BBX: variants seen among roughly 807,000 people sequenced by gnomAD.
The protein encoded by BBX is BBX high mobility group box domain containing.
BBX carries 30 observed loss-of-function variants against 100.2 expected under a neutral mutation model. The observed-to-expected ratio is 0.30, with a 90% CI of 0.22 to 0.41. The LOEUF is 0.41. BBX is among the 10% of genes least tolerant of loss of function. The pLI is 1.00. For synonymous variants in BBX, 376 were observed against 388.1 expected, an observed-to-expected ratio of 0.97 and a Z score of 0.37; for missense variants, 1,023 against 1,129.8, an observed-to-expected ratio of 0.91 and a Z score of 1.35.
intron 2 of BBX, among the ~76,000 whole-genome samples, chr3:107,634,429 A>C (rs2056735251): frequency 6.6e-6 from 1 of 152,208 alleles, no homozygotes; most frequent in Admixed American, 6.5e-5. Flanking sequence ...AGAGGACTGG[A>C]GTATGGAGAC....
intron 2 of BBX, among the ~76,000 whole-genome samples, chr3:107,554,475 C>G (rs980931447): frequency 3.9e-5 from 6 of 152,094 alleles, no homozygotes; most frequent in African/African-American, 1.4e-4. Flanking sequence ...TTATATGTAT[C>G]TAGCTCACAA....
chr3:107,650,311 G>A (rs2057765767), intron 3 of BBX, among the ~76,000 whole-genome samples: 2 of 152,012 alleles, frequency 1.3e-5, no homozygotes, highest in South Asian at 4.2e-4. Flanking sequence ...CATATATGAG[G>A]GATCTAGGTT....
At chr3:107,708,673 CAA>C (rs34223415) in intron 3 of BBX, among the ~76,000 whole-genome samples, 7 of 107,266 alleles carry the variant, frequency 6.5e-5, no homozygotes, top group Admixed American at 9.3e-5. Flanking sequence ...GACTCCGTCT[CAA>C]AAAAAAAAAA....
chr3:107,627,238 A>G (rs1405459137), intron 2 of BBX, among the ~76,000 whole-genome samples: 1 of 152,226 alleles, frequency 6.6e-6, no homozygotes, highest in Non-Finnish European at 1.5e-5. Context: ...AGAACCTAGT[A>G]GGTGCTCATT....
chr3:107,652,986 T>G (rs1553756920), intron 3 of BBX, among the ~76,000 whole-genome samples: 1 of 152,220 alleles, frequency 6.6e-6, no homozygotes, highest in Non-Finnish European at 1.5e-5. Flanking sequence ...TAGCATCTGG[T>G]ACATAGAAGT....
intron 15 of BBX, among the ~76,000 whole-genome samples, chr3:107,798,114 G>A (rs2069944433): frequency 6.6e-6 from 1 of 152,108 alleles, no homozygotes; most frequent in Non-Finnish European, 1.5e-5. Context: ...TTTAATTTTA[G>A]TGTCCTCTGA....
At chr3:107,765,866 T>C (rs929279629) in intron 10 of BBX, among the ~76,000 whole-genome samples, 2 of 152,246 alleles carry the variant, frequency 1.3e-5, no homozygotes, top group African/African-American at 4.8e-5. Context: ...TCCCAGGTTT[T>C]GTTTGTATCT....
At chr3:107,693,378 A>G (rs1432340670) in intron 3 of BBX, among the ~76,000 whole-genome samples, 1 of 151,674 alleles carries the variant, frequency 6.6e-6, no homozygotes, top group African/African-American at 2.4e-5. Flanking sequence ...CTTTTGTATA[A>G]GGTGTAAGGA....
Position 107,789,851 on chromosome 3 carries a change from G to A in BBX, c.2268G>A (p.Lys756=). Residue 756 remains lysine, a synonymous_variant, in exon 14 of 18, where the codon AAG becomes AAA. Coordinates refer to ENST00000325805, the MANE Select transcript of BBX (RefSeq NM_001142568.3). The part of the protein sequence containing the change: ...HKIVSKYKHK[K]EKPNVPEKGS... ...TTGTCAGCAAATATAAGCACAAAAA[G>A]GAGAAGCCCAATGTTCCGGAAAAAG... The A allele has an allele frequency of 1.3e-6, 2 of 1,550,194 alleles. No individual in the cohort carries two copies. The highest frequency in any genetic ancestry group is 1.4e-5 in the African/African-American group (1 of 73,084).
intron 17 of BBX, among the ~76,000 whole-genome samples, chr3:107,803,355 G>C (rs890651153): frequency 2.0e-5 from 3 of 152,160 alleles, no homozygotes; most frequent in Non-Finnish European, 2.9e-5. Context: ...TGTTAAAGCA[G>C]ATCTACCCAC....
intron 2 of BBX, among the ~76,000 whole-genome samples, chr3:107,555,846 C>T (rs917532906): frequency 1.2e-4 from 18 of 152,122 alleles, no homozygotes; most frequent in African/African-American, 4.1e-4. Flanking sequence ...AATAGTCCTC[C>T]CCTTGGGATT....
chr3:107,549,653 A>G (rs2049512064), intron 2 of BBX, among the ~76,000 whole-genome samples: 1 of 152,174 alleles, frequency 6.6e-6, no homozygotes, highest in Admixed American at 6.6e-5. Flanking sequence ...TTGGGAATCT[A>G]CTATTATGCT....
chr3:107,718,247 CTA>C (rs1412111747), intron 5 of BBX, among the ~76,000 whole-genome samples: 2 of 146,626 alleles, frequency 1.4e-5, no homozygotes, highest in South Asian at 2.1e-4. Context: ...GTTAATATAA[CTA>C]TTATAATAGT....
chr3:107,667,094 C>A (rs2107897003), intron 3 of BBX, among the ~76,000 whole-genome samples: 1 of 152,264 alleles, frequency 6.6e-6, no homozygotes, highest in African/African-American at 2.4e-5. Context: ...TTAATACCAC[C>A]CTATCTCAAG....
chr3:107,686,233 T>G (rs1026503645), intron 3 of BBX, among the ~76,000 whole-genome samples: 5 of 152,204 alleles, frequency 3.3e-5, no homozygotes, highest in Admixed American at 2.6e-4. Context: ...GATTCACTTT[T>G]ACAGATCATT....
At chr3:107,765,741 T>C (rs564134409) in intron 10 of BBX, among the ~76,000 whole-genome samples, 1 of 152,234 alleles carries the variant, frequency 6.6e-6, no homozygotes, top group Admixed American at 6.5e-5. Context: ...CCACCTGGGT[T>C]CCTCCAGTAG....
chr3:107,584,020 TTATTATATATATTAATTATATA>T (rs2052517576), intron 2 of BBX, among the ~76,000 whole-genome samples: 2 of 77,552 alleles, frequency 2.6e-5, no homozygotes, highest in Non-Finnish European at 4.6e-5. Context: ...ATTATACATA[TTATTATATATATTAATTATATA>T]TATTATATAT....
chr3:107,795,287 T>C (rs7615167), intron 15 of BBX, among the ~76,000 whole-genome samples: 148,082 of 152,222 alleles, frequency 0.97, 72,142 homozygotes, highest in Middle Eastern at 1. Context: ...TTCCAGAAAA[T>C]TACTTCTCGG....
At chr3:107,733,684 T>C (rs1389891224) in intron 7 of BBX, among the ~76,000 whole-genome samples, 1 of 152,060 alleles carries the variant, frequency 6.6e-6, no homozygotes, top group Non-Finnish European at 1.5e-5. Context: ...GCCATGTTGC[T>C]CAGACTGGTT....
Sources: allele counts gnomAD v4.1 joint callset (sites outside exome capture counted in the v4.1 genomes callset), GRCh38; gene constraint gnomAD v4.1.1; transcripts MANE v1.5; gene names NCBI Gene and HGNC (gene_info 2026-07-23, HGNC 2026-07-21).